The following SHISAL2B variants were observed in gnomAD, a reference collection of about 807,000 sequenced individuals.
SHISAL2B encodes shisa like 2B, also known as protein shisa-like-2B.
Under a neutral mutation model 16.5 loss-of-function variants are expected in SHISAL2B, and 12 were observed. The observed-to-expected ratio is 0.73, with a 90% confidence interval of 0.47 to 1.18. The LOEUF (loss-of-function observed/expected upper bound fraction) is 1.18, where lower values mean the gene tolerates loss of function less well. SHISAL2B is among the 50% of genes most tolerant of loss of function. The pLI, the probability that SHISAL2B is intolerant of heterozygous loss-of-function variation, is 0.00. For synonymous variants in SHISAL2B, 72 were observed against 75.0 expected (o/e 0.96, Z 0.21); for missense variants, 183 against 193.6 (o/e 0.95, Z 0.33).
intron 2 of SHISAL2B, among the ~76,000 whole-genome samples, chr5:64,697,475 G>A (rs532466228): frequency 5.9e-5 from 9 of 152,244 alleles, no homozygotes; most frequent in African/African-American, 2.2e-4. Context: ...CAAACATCAA[G>A]TGTTATACAA....
intron 2 of SHISAL2B, among the ~76,000 whole-genome samples, chr5:64,707,175 G>A (rs6892264): frequency 0.042 from 6,443 of 152,076 alleles, 381 homozygotes; most frequent in African/African-American, 0.13. Context: ...AGGGCAGCAA[G>A]GATAATTATT....
chr5:64,693,858 T>C (rs1448140219), intron 1 of SHISAL2B, among the ~76,000 whole-genome samples: 2 of 152,200 alleles, frequency 1.3e-5, no homozygotes, highest in Non-Finnish European at 2.9e-5. Context: ...TCTACAGGGC[T>C]AGTGGAACTG....
Position 64,690,522 on chromosome 5 carries a change from C to T in SHISAL2B, c.-102C>T, listed in dbSNP as rs1390701956. 6 of 963,564 alleles carry T rather than the reference C, an allele frequency of 6.2e-6. No homozygotes were observed. The African/African-American group carries it at 6.9e-5, about 11-fold the overall frequency. 59.7% of individuals were successfully genotyped at this position (963,564 alleles called of 1,614,324 possible). On this transcript the variant is annotated 5_prime_UTR_variant, in exon 1 of 3. Coordinates refer to ENST00000389074, the MANE Select transcript of SHISAL2B (RefSeq NM_001164442.2). ...GCAGCCAGAGCCCAGATCGGAAGAGCCGAGTCCGGGCAGAGGGGTCCGCGG... is the reference window on the plus strand; with the variant it reads ...GCAGCCAGAGCCCAGATCGGAAGAGTCGAGTCCGGGCAGAGGGGTCCGCGG...
At chr5:64,711,419 G>T (rs1206346289) in intron 2 of SHISAL2B, among the ~76,000 whole-genome samples, 4 of 149,058 alleles carry the variant, frequency 2.7e-5, no homozygotes, top group Non-Finnish European at 5.9e-5. Context: ...GCTTTTTGAT[G>T]TGCTGCTGGA....
At position 64,695,545 on chromosome 5, in the gene SHISAL2B, T is replaced by C; in HGVS notation, c.230T>C (p.Val77Ala). 6.5e-7 allele frequency: 1 copy of C among 1,536,374 alleles called. No individual in the cohort carries two copies. The highest frequency in any genetic ancestry group is 8.7e-7 in the Non-Finnish European group (1 of 1,146,558). The change falls in exon 2 of 3, where the codon GTT becomes GCT. Residue 77 changes from valine to alanine, a missense_variant. Transcript: ENST00000389074. Reference sequence around the variant, plus strand: ...ATTGGACTAGGAATTGCTGCCCTTGTTTTACTCGCCTTTGTCATCAGTGTC... The same window carrying C: ...ATTGGACTAGGAATTGCTGCCCTTGCTTTACTCGCCTTTGTCATCAGTGTC... ...ALIGLGIAAL[V>A]LLAFVISVCV...
intron 1 of SHISAL2B, among the ~76,000 whole-genome samples, chr5:64,693,223 G>A (rs780030229): frequency 3.4e-4 from 51 of 152,146 alleles, no homozygotes; most frequent in Admixed American, 1.9e-3. Flanking sequence ...TAGCCAGGAT[G>A]GTCTCAATCT....
intron 2 of SHISAL2B, among the ~76,000 whole-genome samples, chr5:64,715,302 A>C (rs926888287): frequency 5.9e-5 from 9 of 152,120 alleles, no homozygotes; most frequent in African/African-American, 2.2e-4. Context: ...AAAAAAAAAA[A>C]TTAAAAACTC....
In SHISAL2B at chr5:64,690,801, A is replaced by G. The variant is rs771873498; in HGVS notation, c.178A>G (p.Met60Val). The change falls in exon 1 of 3, where the codon ATG (methionine) becomes GTG (valine). Residue 60 changes from methionine to valine, a missense_variant. Physicochemically the swap from Met to Val is conservative, Grantham distance 21 (BLOSUM62 1). Transcript: ENST00000389074. ...GSYFPYKHSY[M>V]WSLSIGALIG... ...CTACTTCCCCTACAAGCACAGCTAC[A>G]TGTGGAGCCTCAGGTGGGCTGAGAG... 15 of 1,535,738 alleles carry G rather than the reference A, an allele frequency of 9.8e-6. No homozygotes were observed. The Middle Eastern group carries it at 8.4e-4, about 86-fold the overall frequency.
intron 2 of SHISAL2B, among the ~76,000 whole-genome samples, chr5:64,705,601 T>C (rs968445384): frequency 5.9e-5 from 9 of 152,224 alleles, no homozygotes; most frequent in Non-Finnish European, 8.8e-5. Flanking sequence ...TGATCTTTTA[T>C]CTTTACCTGC....
intron 1 of SHISAL2B, among the ~76,000 whole-genome samples, chr5:64,693,640 A>G (rs1303017736): frequency 6.6e-6 from 1 of 152,178 alleles, no homozygotes; most frequent in African/African-American, 2.4e-5. Flanking sequence ...TTACATTCCC[A>G]TGTGTCTGTG....
rs79131016 is a variant in SHISAL2B, at chr5:64,705,832, T to G, written c.349+10168T>G. On this transcript the variant is annotated intron_variant, in intron 2 of 2. Transcript: ENST00000389074. Reference sequence around the variant, plus strand: ...TGGGTGGGGATACAGTCTGCTTTTATGTATTTTAAGGAGACATGAGACATC... The same window carrying G: ...TGGGTGGGGATACAGTCTGCTTTTAGGTATTTTAAGGAGACATGAGACATC... 4.5e-3 allele frequency among the ~76,000 whole-genome samples: 685 copies of G among 152,266 alleles called. 6 individuals are homozygous for G. The highest frequency in any genetic ancestry group is 0.016 in the African/African-American group (650 of 41,554).
intron 2 of SHISAL2B, among the ~76,000 whole-genome samples, chr5:64,709,675 T>G (rs1428755649): frequency 0.015 from 2,252 of 149,566 alleles, 51 homozygotes; most frequent in African/African-American, 0.053. Flanking sequence ...GTGTTCCTAT[T>G]TCTCCACATC....
intron 2 of SHISAL2B, among the ~76,000 whole-genome samples, chr5:64,696,543 G>T (rs140195489): frequency 6.6e-6 from 1 of 152,108 alleles, no homozygotes; most frequent in Non-Finnish European, 1.5e-5. Flanking sequence ...TCCTGGCAAG[G>T]AATATTAATA....
chr5:64,712,288 C>T (rs1330340073), intron 2 of SHISAL2B, among the ~76,000 whole-genome samples: 8 of 152,074 alleles, frequency 5.3e-5, no homozygotes, highest in South Asian at 2.1e-4. Flanking sequence ...GCCTTCATTT[C>T]GTTATGTACC....
Position 64,690,770 on chromosome 5 carries a change from G to A in SHISAL2B, c.147G>A (p.Pro49=), listed in dbSNP as rs1741630626. ...ACCTCAAGTACTGCTGCAGCGAGCC[G>A]GGCAGCTACTTCCCCTACAAGCACA... ...FADLKYCCSE[P]GSYFPYKHSY... Residue 49 remains proline, a synonymous_variant, in exon 1 of 3, where the codon CCG becomes CCA. Coordinates refer to ENST00000389074, the MANE Select transcript of SHISAL2B (RefSeq NM_001164442.2). 1 of 1,544,570 alleles carries A rather than the reference G, an allele frequency of 6.5e-7. No individual in the cohort carries two copies. The highest frequency in any genetic ancestry group is 8.7e-7 in the Non-Finnish European group (1 of 1,151,988).
intron 2 of SHISAL2B, among the ~76,000 whole-genome samples, chr5:64,713,154 G>C (rs1428787998): frequency 1.4e-5 from 2 of 141,130 alleles, no homozygotes; most frequent in Non-Finnish European, 3.1e-5. Flanking sequence ...TTACATTTTG[G>C]CATGATTTTG....
At chr5:64,697,849 T>G (rs1438207215) in intron 2 of SHISAL2B, among the ~76,000 whole-genome samples, 1 of 152,196 alleles carries the variant, frequency 6.6e-6, no homozygotes, top group Non-Finnish European at 1.5e-5. Context: ...GGGGTACCTG[T>G]TCTGTGACCT....
chr5:64,692,341 T>C (rs1022359856), intron 1 of SHISAL2B, among the ~76,000 whole-genome samples: 2 of 152,140 alleles, frequency 1.3e-5, no homozygotes, highest in East Asian at 3.9e-4. Context: ...CTTCCTAAGA[T>C]GTATGAGGGC....
intron 2 of SHISAL2B, among the ~76,000 whole-genome samples, chr5:64,712,941 G>T (rs1272575523): frequency 2.0e-5 from 3 of 152,044 alleles, no homozygotes; most frequent in Admixed American, 2.0e-4. Flanking sequence ...GTCTCTGCAT[G>T]TGAGATGGGT....
Sources: gnomAD v4.1 joint callset for allele counts (sites outside exome capture counted in the v4.1 genomes callset) on GRCh38, gnomAD v4.1.1 for gene constraint, MANE v1.5 for transcripts, NCBI Gene and HGNC (gene_info 2026-07-23, HGNC 2026-07-21) for gene names.